Variants in PSG7 observed in about 807,000 individuals in gnomAD.
PSG7 encodes pregnancy-specific beta-1-glycoprotein 7.
PSG7 carries 57 observed loss-of-function variants against 45.6 expected under a neutral mutation model. That is an observed-to-expected ratio of 1.25 (90% CI 1.01 to 1.56). The LOEUF (loss-of-function observed/expected upper bound fraction) is 1.56. Ranked by LOEUF, PSG7 falls within the 40% of genes most tolerant of loss-of-function variation. The pLI is 0.00. For synonymous variants in PSG7, 298 were observed against 194.4 expected, an observed-to-expected ratio of 1.53 and a Z score of -4.43; for missense variants, 796 against 508.4, an observed-to-expected ratio of 1.57 and a Z score of -5.44.
intron 2 of PSG7, among the ~76,000 whole-genome samples, chr19:42,934,801 T>C (rs1973109351): frequency 6.6e-6 from 1 of 151,644 alleles, no homozygotes; most frequent in Admixed American, 6.6e-5. Flanking sequence ...CTTTCTGTCC[T>C]CTCCACTCTG....
rs1016523747 is a variant in PSG7, at chr19:42,925,577, G to A, written c.1243+196C>T. On this transcript the variant is annotated intron_variant, in intron 5 of 5. Coordinates refer to ENST00000406070, the MANE Select transcript of PSG7 (RefSeq NM_002783.3). Reference sequence around the variant, plus strand: ...TTCCTGCTTGGTCTAGGCTGGGAATGTTATGAAGATATCAGCCTGTTTGTT... The same window carrying A: ...TTCCTGCTTGGTCTAGGCTGGGAATATTATGAAGATATCAGCCTGTTTGTT... 1.1e-5 allele frequency: 15 copies of A among 1,346,288 alleles called. No homozygotes were observed. In the East Asian group the frequency reaches 2.9e-4, roughly 26 times the overall value. 83.4% of individuals were successfully genotyped at this position (1,346,288 alleles called of 1,614,324 possible). A position where few individuals can be genotyped will look rare whatever the true frequency, so the allele number is the denominator to read the frequency against.
At chr19:42,926,056 G>C in intron 4 of PSG7, 29 bp from the exon 5 acceptor site, 1 of 1,605,886 alleles carries the variant, frequency 6.2e-7, no homozygotes, top group Non-Finnish European at 8.5e-7. Flanking sequence ...AGCCACAGGT[G>C]ATGTTATCCG....
chr19:42,924,518 A>G lies in PSG7; in HGVS notation c.*290T>C, dbSNP rs2122666566. 1.7e-6 allele frequency: 1 copy of G among 585,920 alleles called. No individual in the cohort carries two copies. Among genetic ancestry groups the G allele is most frequent in the Non-Finnish European group, 3.0e-6 (1 of 331,620 alleles). 36.3% of individuals were successfully genotyped at this position (585,920 alleles called of 1,614,324 possible). A position where few individuals can be genotyped will look rare whatever the true frequency, so the allele number is the denominator to read the frequency against. On this transcript the variant is annotated 3_prime_UTR_variant, in exon 6 of 6. Transcript: ENST00000406070. ...AGGCAGGCACAAGCAAGGACAGCTAAGAGGGGTGAGAGCCTCATCATGATG... is the reference window on the plus strand; with the variant it reads ...AGGCAGGCACAAGCAAGGACAGCTAGGAGGGGTGAGAGCCTCATCATGATG...
rs200405164 is a variant in PSG7 at position 42,935,412 on chromosome 19, G to C, written c.422C>G (p.Thr141Ser). The part of the protein sequence containing the change: ...TGGVTGRFTF[T>S]LYLETPKPSI... ...CATGTGGAATCACTCACGGTATAAG[G>C]TGAAGGTGAAACGTCCAGTTACTCC... Residue 141 changes from threonine (T) to serine (S), a missense_variant, in exon 2 of 6, where the codon ACC becomes AGC. Thr to Ser is a moderately conservative substitution (Grantham distance 58). Coordinates refer to ENST00000406070, the MANE Select transcript of PSG7 (RefSeq NM_002783.3). 4.8e-4 allele frequency: 771 copies of C among 1,611,592 alleles called. 24 individuals are homozygous for C. Among genetic ancestry groups the C allele is most frequent in the Non-Finnish European group, 6.3e-4 (738 of 1,178,754 alleles).
chr19:42,928,467 G>T (rs1341842990), intron 3 of PSG7, among the ~76,000 whole-genome samples: 3 of 151,526 alleles, frequency 2.0e-5, no homozygotes, highest in Admixed American at 1.3e-4. Flanking sequence ...TTTCAGGAAG[G>T]TTTGTAGTTT....
At position 42,929,090 on chromosome 19, in the gene PSG7, T is replaced by G. The variant is rs530714593; in HGVS notation, c.709+352A>C. 64 of 355,702 alleles carry G rather than the reference T, an allele frequency of 1.8e-4. 2 individuals carry two copies. The highest frequency in any genetic ancestry group is 6.4e-4 in the South Asian group (12 of 18,750). 22.0% of individuals were successfully genotyped at this position (355,702 alleles called of 1,614,324 possible). On this transcript the variant is annotated intron_variant, in intron 3 of 5. Coordinates refer to ENST00000406070, the MANE Select transcript of PSG7 (RefSeq NM_002783.3). Reference sequence around the variant, plus strand: ...ACAGGTGATATTGTCAGAGGGAAGGTAAAATCCTGGTCTGTGGAAGGGCCA... The same window carrying G: ...ACAGGTGATATTGTCAGAGGGAAGGGAAAATCCTGGTCTGTGGAAGGGCCA...
intron 4 of PSG7, 84 bp downstream of exon 4, chr19:42,926,354 A>G: frequency 6.3e-7 from 1 of 1,582,638 alleles, no homozygotes; most frequent in Admixed American, 1.7e-5. Context: ...CCGGAGAGAG[A>G]CTGAGAGGAC....
At chr19:42,934,490 A>T (rs1190729830) in intron 2 of PSG7, among the ~76,000 whole-genome samples, 1 of 151,550 alleles carries the variant, frequency 6.6e-6, no homozygotes, top group East Asian at 1.9e-4. Context: ...CCTGTGACTC[A>T]GTTTTCTCTC....
intron 3 of PSG7, 48 bp from the exon 4 acceptor site, chr19:42,926,764 C>A: frequency 6.3e-7 from 1 of 1,597,922 alleles, no homozygotes; most frequent in Non-Finnish European, 8.5e-7. Flanking sequence ...ACCTTTGATT[C>A]CTCCACAGGC....
At chr19:42,933,303 A>ATTTTTTT (rs1418931958) in intron 2 of PSG7, among the ~76,000 whole-genome samples, 2 of 14,854 alleles carry the variant, frequency 1.3e-4, no homozygotes, top group African/African-American at 1.8e-4. Flanking sequence ...ATATATATAT[A>ATTTTTTT]TATATTTTTT....
chr19:42,935,915 AACACACACAC>A (rs147024666), intron 1 of PSG7, 146 bp from the exon 2 acceptor site: 1 of 284,668 alleles, frequency 3.5e-6, no homozygotes, highest in African/African-American at 3.8e-5. Flanking sequence ...CACACACACA[AACACACACAC>A]ACACATATAA....
rs149267387 is a variant in PSG7 at position 42,926,544 on chromosome 19, G to A, written c.882C>T (p.Ile294=). 2.4e-5 allele frequency: 39 copies of A among 1,610,458 alleles called. 1 individual carries two copies. Among genetic ancestry groups the A allele is most frequent in the South Asian group, 4.4e-5 (4 of 90,550 alleles). Reference sequence around the variant, plus strand: ...TTCTCGTGACACTGGGTAGAATGAGGATCCTGTTTTCAATGCGTCGCTTTA... The same window carrying A: ...TTCTCGTGACACTGGGTAGAATGAGAATCCTGTTTTCAATGCGTCGCTTTA... ...PRVKRRIENR[I]LILPSVTRNE... The change falls in exon 4 of 6, where the codon ATC becomes ATT. Residue 294 remains isoleucine (I), a synonymous_variant. Coordinates refer to ENST00000406070, the MANE Select transcript of PSG7 (RefSeq NM_002783.3).
chr19:42,927,453 G>T (rs1347264424), intron 3 of PSG7: 1 of 152,026 alleles, frequency 6.6e-6, no homozygotes, highest in East Asian at 1.9e-4. Context: ...CCTGTCCTGG[G>T]TTCTTTAAGT....
chr19:42,930,518 T>C (rs1171759132), intron 2 of PSG7, among the ~76,000 whole-genome samples: 3 of 151,702 alleles, frequency 2.0e-5, no homozygotes, highest in Non-Finnish European at 4.4e-5. Context: ...TAGAAATACA[T>C]GTTGATGTTT....
intron 2 of PSG7, among the ~76,000 whole-genome samples, chr19:42,931,259 T>C (rs1973013065): frequency 6.6e-6 from 1 of 151,634 alleles, no homozygotes; most frequent in Non-Finnish European, 1.5e-5. Flanking sequence ...CTGGTAGTAG[T>C]ATTTCTCTTG....
chr19:42,933,307 A>ATATATATATTT (rs56691588), intron 2 of PSG7, among the ~76,000 whole-genome samples: 27 of 13,500 alleles, frequency 2.0e-3, no homozygotes, highest in East Asian at 4.9e-3. Flanking sequence ...ATATATATAT[A>ATATATATATTT]TTTTTTTTTT....
chr19:42,933,187 G>C (rs1289346336), intron 2 of PSG7, among the ~76,000 whole-genome samples: 1 of 139,370 alleles, frequency 7.2e-6, no homozygotes, highest in Non-Finnish European at 1.5e-5. Context: ...AGGCTGATTT[G>C]AGTAATAATA....
chr19:42,925,708 T>C (rs375854686), intron 5 of PSG7, 65 bp downstream of exon 5: 18 of 1,608,262 alleles, frequency 1.1e-5, no homozygotes, highest in African/African-American at 8.1e-5. Flanking sequence ...TTTCCTGACT[T>C]TTCTCTGAAA....
At position 42,935,389 on chromosome 19, in the gene PSG7, T is replaced by C. The variant is rs782480431; in HGVS notation, c.430+15A>G. ...CCTGCCCCCCAACACCCAGGGACCATGTGGAATCACTCACGGTATAAGGTG... is the reference window on the plus strand; with the variant it reads ...CCTGCCCCCCAACACCCAGGGACCACGTGGAATCACTCACGGTATAAGGTG... On this transcript the variant is annotated intron_variant, in intron 2 of 5. Transcript: ENST00000406070. The C allele has an allele frequency of 7.4e-6, 12 of 1,611,018 alleles. No homozygotes were observed. The highest frequency in any genetic ancestry group is 1.7e-5 in the Admixed American group (1 of 59,818).
Sources: allele counts gnomAD v4.1 joint callset (sites outside exome capture counted in the v4.1 genomes callset), GRCh38; gene constraint gnomAD v4.1.1; transcripts MANE v1.5; gene names NCBI Gene and HGNC (gene_info 2026-07-23, HGNC 2026-07-21).